MICAL2: variants seen among roughly 807,000 people sequenced by gnomAD.
MICAL2 encodes microtubule associated monooxygenase, calponin and LIM domain containing 2.
MICAL2 carries 77 observed loss-of-function variants against 127.3 expected under a neutral mutation model. The observed-to-expected ratio is 0.60, with a 90% CI of 0.50 to 0.73. The LOEUF (loss-of-function observed/expected upper bound fraction) is 0.73. MICAL2 is among the 30% of genes least tolerant of loss of function. MICAL2 has a pLI of 0.00. For synonymous variants in MICAL2, 570 were observed against 551.1 expected (o/e 1.03, Z -0.48); for missense variants, 1,351 against 1,434.4 (o/e 0.94, Z 0.94).
At chr11:12,202,824 T>C (rs989487355) in intron 3 of MICAL2, among the ~76,000 whole-genome samples, 7 of 152,218 alleles carry the variant, frequency 4.6e-5, no homozygotes, top group South Asian at 2.1e-4. Flanking sequence ...TACCCTCTTA[T>C]AGTACACAAT....
chr11:12,349,243 G>A (rs527808547), intron 32 of MICAL2, among the ~76,000 whole-genome samples: 41 of 152,242 alleles, frequency 2.7e-4, no homozygotes, highest in African/African-American at 9.9e-4. Context: ...CATAATCTAA[G>A]TAATAAGAAT....
downstream of MICAL2, among the ~76,000 whole-genome samples, chr11:12,289,713 C>T (rs757215308): frequency 4.1e-4 from 63 of 152,074 alleles, no homozygotes; most frequent in Middle Eastern, 3.4e-3. Flanking sequence ...GGACCACAGG[C>T]GCGCACCACC....
At chr11:12,205,903 C>T (rs551811803) in intron 4 of MICAL2, among the ~76,000 whole-genome samples, 26 of 152,202 alleles carry the variant, frequency 1.7e-4, no homozygotes, top group African/African-American at 6.0e-4. Context: ...GCCCTGAGAG[C>T]CATGTTCTTA....
chr11:12,166,838 T>G (rs1855561004), intron 3 of MICAL2, among the ~76,000 whole-genome samples: 1 of 152,036 alleles, frequency 6.6e-6, no homozygotes, highest in Non-Finnish European at 1.5e-5. Flanking sequence ...AGGTTTAATG[T>G]GGGGCTTGGC....
At chr11:12,180,183 A>G (rs186599999) in intron 3 of MICAL2, among the ~76,000 whole-genome samples, 13 of 152,198 alleles carry the variant, frequency 8.5e-5, no homozygotes, top group Admixed American at 7.9e-4. Context: ...GGCCTTTTTC[A>G]GACATCAGAT....
chr11:12,330,861 TAGAGAG>T (rs1158050371), intron 32 of MICAL2, among the ~76,000 whole-genome samples: 24 of 67,136 alleles, frequency 3.6e-4, no homozygotes, highest in African/African-American at 5.4e-4. Flanking sequence ...GAGAGAGGGG[TAGAGAG>T]AGAGAGAGAG....
In MICAL2 at chr11:12,297,859, A is replaced by G. The variant is rs77779119; in HGVS notation, c.5212+3002A>G. ...ATTTCCACACCATCTATTATATTCC[A>G]TTTAGTTGTCTGTTATATATCAATA... On this transcript the variant is annotated intron_variant, in intron 29 of 34. Transcript: ENST00000646065. Among the ~76,000 whole-genome samples, 166 of 151,966 alleles carry G rather than the reference A, an allele frequency of 1.1e-3. 1 individual carries two copies. In the South Asian group the frequency reaches 0.015, roughly 14 times the overall value.
chr11:12,145,299 T>C (rs1020914429), intron 2 of MICAL2, among the ~76,000 whole-genome samples: 2 of 152,178 alleles, frequency 1.3e-5, no homozygotes, highest in Admixed American at 6.5e-5. Context: ...AAAGACCCCT[T>C]TGGTGTTTGG....
chr11:12,113,189 T>C (rs1289691259), intron 1 of MICAL2, among the ~76,000 whole-genome samples: 1 of 152,234 alleles, frequency 6.6e-6, no homozygotes, highest in Non-Finnish European at 1.5e-5. Flanking sequence ...TTCTATTGTT[T>C]CATTCTGCCT....
chr11:12,137,564 C>A (rs1851949390), intron 1 of MICAL2, among the ~76,000 whole-genome samples: 1 of 152,230 alleles, frequency 6.6e-6, no homozygotes, highest in East Asian at 1.9e-4. Context: ...AGCACTCTAA[C>A]AATGTGTGCT....
downstream of MICAL2, among the ~76,000 whole-genome samples, chr11:12,295,205 T>A (rs528581336): frequency 6.6e-6 from 1 of 151,780 alleles, no homozygotes; most frequent in Non-Finnish European, 1.5e-5. Context: ...AGTGGCATGA[T>A]CCCAGCTCAC....
intron 3 of MICAL2, among the ~76,000 whole-genome samples, chr11:12,168,143 A>AATACAC (rs1590161507): frequency 6.2e-5 from 2 of 32,330 alleles, no homozygotes; most frequent in South Asian, 1.5e-3. Flanking sequence ...CTCTACAGCA[A>AATACAC]ATACACACAC....
At chr11:12,167,694 A>G (rs1226362624) in intron 3 of MICAL2, among the ~76,000 whole-genome samples, 1 of 151,924 alleles carries the variant, frequency 6.6e-6, no homozygotes, top group Non-Finnish European at 1.5e-5. Context: ...GCTTAAAAGA[A>G]CTCTGGATTT....
At chr11:12,293,520 A>C, downstream of MICAL2, 1 of 1,534,958 alleles carries the variant, frequency 6.5e-7, no homozygotes, top group Non-Finnish European at 8.8e-7. Context: ...ATAAATGATG[A>C]AAATTTTTAA....
At position 12,330,900 on chromosome 11, in the gene MICAL2, A is replaced by AGAGAGAGTGTGT. The variant is rs1238311364; in HGVS notation, c.5515+3635_5515+3636insAGAGAGTGTGTG. ...GAGAGAGACAGAGAGAGAGAGAGAG[A>AGAGAGAGTGTGT]GTGTGTGTGTGTGTGTGTGTGTGTG... On this transcript the variant is annotated intron_variant, in intron 32 of 34. Coordinates refer to the MICAL2 transcript ENST00000646065. Among the ~76,000 whole-genome samples the AGAGAGAGTGTGT allele has an allele frequency of 4.7e-3, 561 of 119,380 alleles. 7 individuals are homozygous for AGAGAGAGTGTGT. Among genetic ancestry groups the AGAGAGAGTGTGT allele is most frequent in the Middle Eastern group, 0.016 (4 of 244 alleles). 78.3% of individuals were successfully genotyped at this position (119,380 alleles called of 152,430 possible). A position where few individuals can be genotyped will look rare whatever the true frequency, so the allele number is the denominator to read the frequency against.
At chr11:12,181,172 G>A (rs1857433915) in intron 3 of MICAL2, among the ~76,000 whole-genome samples, 1 of 152,136 alleles carries the variant, frequency 6.6e-6, no homozygotes, top group Non-Finnish European at 1.5e-5. Flanking sequence ...TCAAACTCCT[G>A]ACCTCAGGTG....
At position 12,224,332 on chromosome 11, in the gene MICAL2, C is replaced by T. The variant is rs140845845; in HGVS notation, c.1541-341C>T. Reference sequence around the variant, plus strand: ...ACCTGCTAATGTGCTCCCACAGCCCCCTGTTTCTCCCTCCATTGCAGCACT... The same window carrying T: ...ACCTGCTAATGTGCTCCCACAGCCCTCTGTTTCTCCCTCCATTGCAGCACT... On this transcript the variant is annotated intron_variant, in intron 12 of 27. Transcript: ENST00000683283. 1.4e-3 allele frequency: 313 copies of T among 231,156 alleles called. 1 individual carries two copies. Among genetic ancestry groups the T allele is most frequent in the African/African-American group, 6.5e-3 (294 of 45,496 alleles). The allele number at this position is 231,156 out of a possible 1,614,324, so 14.3% of individuals were successfully genotyped here.
intron 32 of MICAL2, among the ~76,000 whole-genome samples, chr11:12,329,986 C>G (rs1010557139): frequency 2.0e-5 from 3 of 151,936 alleles, no homozygotes; most frequent in African/African-American, 7.3e-5. Context: ...CATTCATTCC[C>G]TTTATATCCT....
At chr11:12,350,042 T>A in intron 33 of MICAL2, 1 of 793,782 alleles carries the variant, frequency 1.3e-6, no homozygotes, top group Non-Finnish European at 2.1e-6. Flanking sequence ...TCCTTGTGCA[T>A]ACAGAATAGT....
Sources: allele counts gnomAD v4.1 joint callset (sites outside exome capture counted in the v4.1 genomes callset), GRCh38; gene constraint gnomAD v4.1.1; transcripts MANE v1.5; gene names NCBI Gene and HGNC (gene_info 2026-07-23, HGNC 2026-07-21).